The following SBF2 variants were observed in gnomAD, a reference collection of about 807,000 sequenced individuals.
SBF2 encodes the protein myotubularin-related protein 13.
Under a neutral mutation model 225.2 loss-of-function variants are expected in SBF2, and 112 were observed. That is an observed-to-expected ratio of 0.50 (90% confidence interval 0.43 to 0.58). SBF2 has a LOEUF of 0.58. Ranked by LOEUF, SBF2 falls within the 20% of genes least tolerant of loss-of-function variation. SBF2 has a pLI of 0.00. For synonymous variants in SBF2, 763 were observed against 773.3 expected (o/e 0.99, Z 0.22); for missense variants, 1,996 against 2,206.2 (o/e 0.90, Z 1.91).
At chr11:10,196,866 A>ATATATTTTTTTTTT in intron 1 of SBF2, among the ~76,000 whole-genome samples, 10 of 99,308 alleles carry the variant, frequency 1.0e-4, no homozygotes, top group South Asian at 3.5e-4. Flanking sequence ...ATATATATAT[A>ATATATTTTTTTTTT]TTTTTTTTTT....
chr11:10,014,751 T>C (rs1196160638), intron 6 of SBF2, among the ~76,000 whole-genome samples: 2 of 152,106 alleles, frequency 1.3e-5, no homozygotes, highest in African/African-American at 4.8e-5. Context: ...TTTTTTAATA[T>C]ATGTAAGACA....
chr11:9,947,356 A>C (rs1865622553), intron 16 of SBF2, among the ~76,000 whole-genome samples: 1 of 152,232 alleles, frequency 6.6e-6, no homozygotes, highest in African/African-American at 2.4e-5. Context: ...AGATAAATCA[A>C]GTAAGATATA....
Position 10,028,480 on chromosome 11 carries a change from A to T in SBF2, c.591T>A (p.Thr197=). The part of the protein sequence containing the change: ...PLHDSLPITG[T]SVALLFQQLG... ...ATTGCTGGAACAGGAGAGCCACACTAGTGCCCGTGATAGGAAGACTATCAT... is the reference window on the plus strand; with the variant it reads ...ATTGCTGGAACAGGAGAGCCACACTTGTGCCCGTGATAGGAAGACTATCAT... Residue 197 remains threonine, a synonymous_variant, in exon 6 of 40, where the codon ACT becomes ACA. Transcript: ENST00000256190. 1 of 1,613,224 alleles carries T rather than the reference A, an allele frequency of 6.2e-7. No individual in the cohort carries two copies. Among genetic ancestry groups the T allele is most frequent in the Non-Finnish European group, 8.5e-7 (1 of 1,179,174 alleles).
chr11:10,015,127 C>T lies in SBF2; in HGVS notation c.620-12438G>A, dbSNP rs143458134. ...CCAGCCTGGGCAACAAAGCAAGACG[C>T]ACCCTGTCTCAATAATAATAATAAT... On this transcript the variant is annotated intron_variant, in intron 6 of 39. Transcript: ENST00000256190. Among the ~76,000 whole-genome samples, 9 of 152,164 alleles carry T rather than the reference C, an allele frequency of 5.9e-5. No homozygotes were observed. In the East Asian group the frequency reaches 1.7e-3, roughly 29 times the overall value.
chr11:10,126,417 T>G (rs1183190191), intron 2 of SBF2, among the ~76,000 whole-genome samples: 2 of 152,064 alleles, frequency 1.3e-5, no homozygotes, highest in Admixed American at 1.3e-4. Context: ...TAGATCTTGA[T>G]AAATGGTCAA....
intron 16 of SBF2, chr11:9,928,923 C>A: frequency 2.5e-6 from 1 of 404,350 alleles, no homozygotes; most frequent in Non-Finnish European, 4.8e-6. Context: ...AAATTAAATT[C>A]AAGCAATTTT....
intron 2 of SBF2, among the ~76,000 whole-genome samples, chr11:10,185,988 C>T (rs1185010093): frequency 2.0e-5 from 3 of 152,114 alleles, no homozygotes; most frequent in Non-Finnish European, 4.4e-5. Flanking sequence ...GACACAGTTA[C>T]CCTAGTTTCA....
At chr11:9,977,913 A>G (rs969747493) in intron 13 of SBF2, among the ~76,000 whole-genome samples, 1 of 152,172 alleles carries the variant, frequency 6.6e-6, no homozygotes. Context: ...ATTAAGGTGT[A>G]TTTTTGAGGT....
chr11:10,040,080 T>C (rs1420251646), intron 3 of SBF2, among the ~76,000 whole-genome samples: 1 of 152,000 alleles, frequency 6.6e-6, no homozygotes, highest in Non-Finnish European at 1.5e-5. Flanking sequence ...AGAATCAAAA[T>C]TGCTATAGGC....
intron 28 of SBF2, among the ~76,000 whole-genome samples, chr11:9,825,210 T>C (rs1320203107): frequency 6.6e-6 from 1 of 151,996 alleles, no homozygotes; most frequent in African/African-American, 2.4e-5. Context: ...AAGGAGAAAT[T>C]TGGAGCCAGA....
chr11:10,182,361 T>C (rs1345553215), intron 2 of SBF2, among the ~76,000 whole-genome samples: 1 of 152,210 alleles, frequency 6.6e-6, no homozygotes, highest in Non-Finnish European at 1.5e-5. Flanking sequence ...AAGCAAATTA[T>C]GTATTTAAAT....
rs566920663 is a variant in SBF2 at position 10,133,256 on chromosome 11, C to T, written c.141+60646G>A. On this transcript the variant is annotated intron_variant, in intron 2 of 39. Coordinates refer to ENST00000256190, the MANE Select transcript of SBF2 (RefSeq NM_030962.4). ...AGCTGGCTTCACCTAGTGGATCCCG[C>T]GTAGGGGCTGCAGGTGGAGCTGCCT... Among the ~76,000 whole-genome samples, 72 of 149,392 alleles carry T rather than the reference C, an allele frequency of 4.8e-4. 2 individuals carry two copies. In the South Asian group the frequency reaches 8.5e-3, roughly 18 times the overall value.
At chr11:10,252,566 G>A (rs1233478753) in intron 1 of SBF2, among the ~76,000 whole-genome samples, 1 of 152,236 alleles carries the variant, frequency 6.6e-6, no homozygotes, top group East Asian at 1.9e-4. Flanking sequence ...CACTTTGGGA[G>A]GCCAAGGCGG....
At chr11:9,831,918 T>G (rs1256517439) in intron 27 of SBF2, among the ~76,000 whole-genome samples, 1 of 152,190 alleles carries the variant, frequency 6.6e-6, no homozygotes, top group Non-Finnish European at 1.5e-5. Context: ...TATAACCTAG[T>G]TTCCATCTGT....
intron 13 of SBF2, among the ~76,000 whole-genome samples, chr11:9,989,259 TA>T (rs934685001): frequency 6.6e-6 from 1 of 151,904 alleles, no homozygotes; most frequent in Non-Finnish European, 1.5e-5. Flanking sequence ...CGCAAAGACA[TA>T]AGAATGATAC....
chr11:10,172,760 G>T (rs1203536651), intron 2 of SBF2, among the ~76,000 whole-genome samples: 3 of 151,374 alleles, frequency 2.0e-5, no homozygotes, highest in South Asian at 2.1e-4. Flanking sequence ...TCTGCCTCCT[G>T]GGTTCAAGCG....
chr11:9,984,914 A>G (rs914359010), intron 13 of SBF2, among the ~76,000 whole-genome samples: 2 of 152,230 alleles, frequency 1.3e-5, no homozygotes, highest in African/African-American at 4.8e-5. Context: ...CCACCACTAC[A>G]AGAACTGCTA....
At chr11:10,289,045 T>A (rs1963985548) in intron 1 of SBF2, among the ~76,000 whole-genome samples, 1 of 152,070 alleles carries the variant, frequency 6.6e-6, no homozygotes, top group Non-Finnish European at 1.5e-5. Flanking sequence ...CTCAAACCCC[T>A]CCCACGGTGC....
intron 6 of SBF2, among the ~76,000 whole-genome samples, chr11:10,023,319 G>A (rs528328267): frequency 6.6e-6 from 1 of 152,208 alleles, no homozygotes; most frequent in Admixed American, 6.5e-5. Context: ...GATCAGTTGT[G>A]AGCCTCTTCA....
Sources: allele counts gnomAD v4.1 joint callset (sites outside exome capture counted in the v4.1 genomes callset), GRCh38; gene constraint gnomAD v4.1.1; transcripts MANE v1.5; gene names NCBI Gene and HGNC (gene_info 2026-07-23, HGNC 2026-07-21).